The following HOXA3 variants were observed in gnomAD, a reference collection of about 807,000 sequenced individuals.
HOXA3 encodes homeobox A3.
Under a neutral mutation model 30.3 loss-of-function variants are expected in HOXA3, and 8 were observed. That is an observed-to-expected ratio of 0.26 (90% CI 0.15 to 0.48). The LOEUF (loss-of-function observed/expected upper bound fraction) is 0.48, where lower values mean the gene tolerates loss of function less well. HOXA3 is among the 20% of genes least tolerant of loss of function. The pLI is 0.99. For synonymous variants in HOXA3, 323 were observed against 273.1 expected (o/e 1.18, Z -1.80); for missense variants, 653 against 614.4 (o/e 1.06, Z -0.66).
intron 1 of HOXA3, among the ~76,000 whole-genome samples, chr7:27,149,709 G>A (rs1267513905): frequency 2.0e-5 from 3 of 152,224 alleles, no homozygotes; most frequent in African/African-American, 7.2e-5. Flanking sequence ...TTCAGGGAAA[G>A]AATTCAATAG....
intron 2 of HOXA3, among the ~76,000 whole-genome samples, chr7:27,138,948 A>C (rs942614767): frequency 6.6e-6 from 1 of 152,196 alleles, no homozygotes; most frequent in Non-Finnish European, 1.5e-5. Flanking sequence ...AAGACACCTC[A>C]ATTTCCCCCA....
chr7:27,116,859 A>ACTGC (rs1235220044), intron 4 of HOXA3, among the ~76,000 whole-genome samples: 5 of 152,224 alleles, frequency 3.3e-5, no homozygotes, highest in African/African-American at 1.2e-4. Flanking sequence ...ACACTTGGTT[A>ACTGC]CTGCCGAGGC....
At chr7:27,130,746 T>A (rs746544823) in intron 2 of HOXA3, 2 of 1,601,112 alleles carry the variant, frequency 1.2e-6, no homozygotes, top group East Asian at 4.5e-5. Context: ...ATTTGTGAAG[T>A]GCAAAAATAC....
At chr7:27,151,509 T>A (rs1583417513) in intron 1 of HOXA3, 2 of 447,162 alleles carry the variant, frequency 4.5e-6, no homozygotes, top group Non-Finnish European at 9.1e-6. Context: ...AACAGCATTA[T>A]GTCCTCTGCA....
At position 27,108,016 on chromosome 7, in the gene HOXA3, C is replaced by T. The variant is rs772165466; in HGVS notation, c.1231G>A (p.Gly411Arg). 1.9e-6 allele frequency: 3 copies of T among 1,612,754 alleles called. No homozygotes were observed. The South Asian group carries it at 3.3e-5, about 18-fold the overall frequency. ...AGPLGSGHHH[G>R]PGPGEPHPTY... is the part of the protein sequence containing the mutation. The stretch of plus-strand genomic sequence containing the variant: ...GGGTGCGGCTCCCCAGGCCCCGGCC[C>T]GTGGTGGTGGCCGCTGCCCAGCGGC... The change falls in exon 6 of 6, where the codon GGG becomes AGG. Residue 411 changes from glycine (G) to arginine (R), a missense_variant. By Grantham distance (125) the Gly-to-Arg change is moderately radical. Transcript: ENST00000612286. The surrounding 1 kb of genome is among the most constrained non-coding windows in gnomAD (Gnocchi z 5.0).
At chr7:27,144,681 A>G (rs1782689650) in intron 1 of HOXA3, among the ~76,000 whole-genome samples, 1 of 152,228 alleles carries the variant, frequency 6.6e-6, no homozygotes, top group Non-Finnish European at 1.5e-5. Flanking sequence ...TTAGACCTCC[A>G]GGAGTAAAAT....
intron 3 of HOXA3, chr7:27,124,654 C>T (rs1470278051): frequency 1.3e-5 from 2 of 152,266 alleles, no homozygotes; most frequent in African/African-American, 2.4e-5. Flanking sequence ...CCTAGTGAGG[C>T]CCTGACGACT....
chr7:27,131,986 G>T (rs1785576449), intron 2 of HOXA3, among the ~76,000 whole-genome samples: 1 of 152,086 alleles, frequency 6.6e-6, no homozygotes, highest in South Asian at 2.1e-4. Flanking sequence ...AAATTTGATG[G>T]GTACACTAAT....
chr7:27,108,555 G>T lies in HOXA3; in HGVS notation c.692C>A (p.Thr231Asn). 6.2e-7 allele frequency: 1 copy of T among 1,614,174 alleles called. No individual in the cohort carries two copies. Among genetic ancestry groups the T allele is most frequent in the Non-Finnish European group, 8.5e-7 (1 of 1,180,020 alleles). The change falls in exon 6 of 6, where the codon ACT (threonine) becomes AAT (asparagine). Residue 231 changes from threonine (T) to asparagine (N), a missense_variant. This residue lies in a region of HOXA3 where 320 missense variants were observed against 321.9 expected (regional missense o/e 0.99). Transcript: ENST00000612286. The surrounding 1 kb of genome is among the most constrained non-coding windows in gnomAD (Gnocchi z 5.0). ...GAACCAGATCTTGATCTGGCGCTCA[G>T]TGAGGTTCAGCAGATTGGCCATCTC... ...RVEMANLLNLTERQIKIWFQN... is the reference protein window; with the variant it reads ...RVEMANLLNLNERQIKIWFQN...
chr7:27,131,311 A>C (rs1785552578), intron 2 of HOXA3, among the ~76,000 whole-genome samples: 1 of 152,152 alleles, frequency 6.6e-6, no homozygotes, highest in South Asian at 2.1e-4. Flanking sequence ...TATGTACGCC[A>C]CTGAGAGGCC....
At chr7:27,111,623 C>T (rs1412323451) in intron 4 of HOXA3, among the ~76,000 whole-genome samples, 1 of 152,068 alleles carries the variant, frequency 6.6e-6, no homozygotes, top group African/African-American at 2.4e-5. Flanking sequence ...CCCAGCAAGC[C>T]ACCCCCACTT....
chr7:27,136,586 G>A (rs971284812), intron 2 of HOXA3, among the ~76,000 whole-genome samples: 1 of 152,144 alleles, frequency 6.6e-6, no homozygotes, highest in Non-Finnish European at 1.5e-5. Context: ...CTCTGCTGGC[G>A]ATTCCTAGGG....
At chr7:27,134,724 C>A (rs1218632305) in intron 2 of HOXA3, among the ~76,000 whole-genome samples, 2 of 152,204 alleles carry the variant, frequency 1.3e-5, no homozygotes, top group Non-Finnish European at 2.9e-5. Context: ...AAACTTTACA[C>A]ATTGCACAGA....
chr7:27,120,604 C>G (rs1015805650), intron 4 of HOXA3, among the ~76,000 whole-genome samples: 1 of 151,230 alleles, frequency 6.6e-6, no homozygotes, highest in South Asian at 2.1e-4. Flanking sequence ...AGAGAAATGC[C>G]TTAACGCCAG....
At chr7:27,122,720 C>T (rs867143131) in intron 3 of HOXA3, 78 bp from the exon 4 acceptor site, 1 of 152,180 alleles carries the variant, frequency 6.6e-6, no homozygotes, top group Admixed American at 6.5e-5. Context: ...GGAAGCGAGG[C>T]TCATGCGGGC....
chr7:27,109,939 GC>G (rs1211848796), intron 5 of HOXA3, 175 bp downstream of exon 5: 1 of 708,458 alleles, frequency 1.4e-6, no homozygotes, highest in Non-Finnish European at 2.4e-6. Flanking sequence ...GCCTACAGAG[GC>G]CTATCACCTC....
At chr7:27,123,803 G>C (rs1435459719) in intron 3 of HOXA3, 2 of 152,332 alleles carry the variant, frequency 1.3e-5, no homozygotes, top group Non-Finnish European at 2.9e-5. Flanking sequence ...CACACCGGTA[G>C]CTGCGCTCTG....
intron 2 of HOXA3, chr7:27,130,495 C>T (rs1262418962): frequency 3.1e-6 from 4 of 1,282,454 alleles, no homozygotes; most frequent in Non-Finnish European, 3.9e-6. Context: ...GGCGGGCTCG[C>T]GGGCGGTCCG....
At chr7:27,130,122 G>T in intron 2 of HOXA3, 3 of 1,600,162 alleles carry the variant, frequency 1.9e-6, no homozygotes, top group South Asian at 1.1e-5. Flanking sequence ...ACGTACCGGC[G>T]CTGACATGGA....
Sources: allele counts gnomAD v4.1 joint callset (sites outside exome capture counted in the v4.1 genomes callset), GRCh38; gene constraint gnomAD v4.1.1; regional missense constraint gnomAD v4.1.1; non-coding constraint Gnocchi (gnomAD v3.1); transcripts MANE v1.5; gene names NCBI Gene and HGNC (gene_info 2026-07-23, HGNC 2026-07-21).